Variants in DAB2IP observed in about 807,000 individuals in gnomAD.
DAB2IP encodes the protein disabled homolog 2-interacting protein.
In DAB2IP, 28 loss-of-function variants were observed where a neutral mutation model predicts 107.2. The ratio of observed to expected loss-of-function variants is 0.26; its 90% confidence interval spans 0.19 to 0.36. The LOEUF (loss-of-function observed/expected upper bound fraction) is 0.36. DAB2IP is among the 10% of genes least tolerant of loss of function. The pLI is 1.00. For missense variants in DAB2IP, 1,400 were observed against 1,644.7 expected (o/e 0.85, Z 2.57); for synonymous variants, 755 against 706.4 (o/e 1.07, Z -1.09).
chr9:121,763,822 A>C, exon 8 of DAB2IP: 1 of 1,614,156 alleles, frequency 6.2e-7, no homozygotes, highest in Non-Finnish European at 8.5e-7. Flanking sequence ...CCAGAGCACC[A>C]GGGCAACCTC....
upstream of DAB2IP, among the ~76,000 whole-genome samples, chr9:121,647,685 C>G (rs931472859): frequency 2.6e-5 from 4 of 152,192 alleles, no homozygotes; most frequent in South Asian, 8.3e-4. Flanking sequence ...AGGGGGGTGT[C>G]TCTCCTTGGA....
intron 1 of DAB2IP, among the ~76,000 whole-genome samples, chr9:121,636,732 C>T (rs1379644207): frequency 7.2e-5 from 11 of 152,232 alleles, no homozygotes; most frequent in Non-Finnish European, 1.5e-4. Flanking sequence ...CCATGTCAGC[C>T]TGGAGGAGTC....
chr9:121,785,135 T>G (rs534299178), exon 16 of DAB2IP: 1 of 152,790 alleles, frequency 6.5e-6, no homozygotes, highest in East Asian at 1.9e-4. Context: ...CAGTGAGGAC[T>G]CTTTCCGACT....
intron 3 of DAB2IP, among the ~76,000 whole-genome samples, chr9:121,715,547 G>T (rs1304601978): frequency 6.6e-6 from 1 of 151,808 alleles, no homozygotes; most frequent in African/African-American, 2.4e-5. Context: ...TACAGACAGG[G>T]TTTCACTGTG....
Position 121,701,424 on chromosome 9 carries a change from A to G in DAB2IP, c.362+1966A>G, listed in dbSNP as rs150033747. Among the ~76,000 whole-genome samples, 709 of 152,358 alleles carry G rather than the reference A, an allele frequency of 4.7e-3. 2 individuals are homozygous for G. The highest frequency in any genetic ancestry group is 0.01 in the Middle Eastern group (3 of 294). On this transcript the variant is annotated intron_variant, in intron 3 of 15. Transcript: ENST00000408936. This position sits in a 1 kb window ranked among gnomAD's most constrained non-coding sequence, Gnocchi z 4.7. ...AAACTACAAGCCTGTTTCTGGAAAC[A>G]GTAGGAAACGGTAGCGGTTGGAGCA...
In DAB2IP at chr9:121,594,697, G is replaced by A. The variant is rs1017366147; in HGVS notation, c.40+27469G>A. 3.3e-5 allele frequency among the ~76,000 whole-genome samples: 5 copies of A among 152,180 alleles called. No homozygotes were observed. The South Asian group carries it at 1.0e-3, about 32-fold the overall frequency. ...TCTTCATTCAATAAACCTTCCTGAGGCCAGGCCTCTTGCAGGTGGTGGGGC... is the reference window on the plus strand; with the variant it reads ...TCTTCATTCAATAAACCTTCCTGAGACCAGGCCTCTTGCAGGTGGTGGGGC... On this transcript the variant is annotated intron_variant, in intron 1 of 16. Coordinates refer to the DAB2IP transcript ENST00000259371.
intron 1 of DAB2IP, among the ~76,000 whole-genome samples, chr9:121,579,135 A>T (rs1010045341): frequency 6.6e-6 from 1 of 151,950 alleles, no homozygotes; most frequent in Admixed American, 6.6e-5. Context: ...ACTTCTCTGA[A>T]TCTCAGTTTT....
At chr9:121,594,977 C>G (rs1257222290) in intron 1 of DAB2IP, among the ~76,000 whole-genome samples, 1 of 152,088 alleles carries the variant, frequency 6.6e-6, no homozygotes, top group Non-Finnish European at 1.5e-5. Context: ...CATGATAGAG[C>G]TTGGTGGACT....
chr9:121,570,188 T>G (rs1829905018), intron 1 of DAB2IP, among the ~76,000 whole-genome samples: 1 of 149,210 alleles, frequency 6.7e-6, no homozygotes, highest in South Asian at 2.2e-4. Flanking sequence ...CTCAGCTCAA[T>G]TGCAACCTCC....
rs1241699557 is a variant in DAB2IP, at chr9:121,699,281, G to T, written c.229-44G>T. 3.9e-6 allele frequency: 5 copies of T among 1,291,324 alleles called. No homozygotes were observed. Among genetic ancestry groups the T allele is most frequent in the Non-Finnish European group, 5.0e-6 (5 of 999,524 alleles). The allele number at this position is 1,291,324 out of a possible 1,614,324, so 80.0% of individuals were successfully genotyped here. A position where few individuals can be genotyped will look rare whatever the true frequency, so the allele number is the denominator to read the frequency against. On this transcript the variant is annotated intron_variant, in intron 2 of 15. Coordinates refer to ENST00000408936, the Ensembl canonical transcript of DAB2IP. The surrounding 1 kb of genome is among the most constrained non-coding windows in gnomAD (Gnocchi z 6.2). The stretch of plus-strand genomic sequence containing the variant: ...GCGGGTCCCGGCCCGCCGCCGCCGC[G>T]CTAACCCCGCCTCCCCTTCCCCCTC...
intron 2 of DAB2IP, among the ~76,000 whole-genome samples, chr9:121,681,185 C>T (rs988150784): frequency 3.3e-5 from 5 of 152,090 alleles, no homozygotes; most frequent in African/African-American, 4.8e-5. Flanking sequence ...AACCAAGATT[C>T]GACCCCAGGT....
chr9:121,687,190 T>G (rs185246392), intron 2 of DAB2IP, among the ~76,000 whole-genome samples: 3,428 of 152,228 alleles, frequency 0.023, 63 homozygotes, highest in South Asian at 0.031. Flanking sequence ...AACATACTGC[T>G]GGGGGCTGGG....
intron 3 of DAB2IP, among the ~76,000 whole-genome samples, chr9:121,728,064 A>G (rs1831332540): frequency 1.3e-5 from 2 of 152,172 alleles, no homozygotes; most frequent in African/African-American, 4.8e-5. Context: ...GGGGATGGTT[A>G]AAGTACCAAC....
At chr9:121,688,527 A>C (rs1278333373) in intron 2 of DAB2IP, among the ~76,000 whole-genome samples, 1 of 152,012 alleles carries the variant, frequency 6.6e-6, no homozygotes, top group Admixed American at 6.5e-5. Flanking sequence ...CCTTCTACCC[A>C]CAATTCCTCC....
chr9:121,678,821 C>A, intron 2 of DAB2IP, 40 bp downstream of exon 2: 1 of 1,517,810 alleles, frequency 6.6e-7, no homozygotes, highest in Non-Finnish European at 8.9e-7. Context: ...ACTGCCACCA[C>A]CATCACCACC....
intron 1 of DAB2IP, among the ~76,000 whole-genome samples, chr9:121,676,940 T>C (rs1589498224): frequency 6.6e-6 from 1 of 151,844 alleles, no homozygotes; most frequent in Non-Finnish European, 1.5e-5. Flanking sequence ...ACTCAGGAGG[T>C]TTTATGTAGG....
chr9:121,573,790 C>G (rs574402225), intron 1 of DAB2IP, among the ~76,000 whole-genome samples: 1 of 152,286 alleles, frequency 6.6e-6, no homozygotes, highest in Non-Finnish European at 1.5e-5. Context: ...GCCCTGATCA[C>G]GCAGTGAGTG....
chr9:121,644,616 AAGAG>A (rs562172021), intron 1 of DAB2IP, among the ~76,000 whole-genome samples: 4 of 152,226 alleles, frequency 2.6e-5, no homozygotes, highest in South Asian at 4.2e-4. Flanking sequence ...AAAATAAAAA[AAGAG>A]AGAGAGAGAA....
chr9:121,773,513 G>GAGGGC lies in DAB2IP; in HGVS notation c.2967+24_2967+28dup. 1 of 1,475,094 alleles carries GAGGGC rather than the reference G, an allele frequency of 6.8e-7. No individual in the cohort carries two copies. Among genetic ancestry groups the GAGGGC allele is most frequent in the Non-Finnish European group, 9.0e-7 (1 of 1,113,078 alleles). 91.4% of individuals were successfully genotyped at this position (1,475,094 alleles called of 1,614,324 possible). ...ACAAGCAGGTCAGTGCTGCTAGTCAGAGGGCAGGGCTGGGCACTTGGGCCC... is the reference window on the plus strand; with the variant it reads ...ACAAGCAGGTCAGTGCTGCTAGTCAGAGGGCAGGGCAGGGCTGGGCACTTGGGCCC... On this transcript the variant is annotated intron_variant, in intron 12 of 15. Transcript: ENST00000408936.
Sources: allele counts gnomAD v4.1 joint callset (sites outside exome capture counted in the v4.1 genomes callset), GRCh38; gene constraint gnomAD v4.1.1; non-coding constraint Gnocchi (gnomAD v3.1); transcripts MANE v1.5; gene names NCBI Gene and HGNC (gene_info 2026-07-23, HGNC 2026-07-21).